The following CCDC9 variants were observed in gnomAD, a reference collection of about 807,000 sequenced individuals.
CCDC9 encodes coiled-coil domain-containing protein 9.
CCDC9 carries 52 observed loss-of-function variants against 65.6 expected under a neutral mutation model. The ratio of observed to expected loss-of-function variants is 0.79; its 90% CI spans 0.63 to 1.00. The LOEUF (loss-of-function observed/expected upper bound fraction) is 1.00. Ranked by LOEUF, CCDC9 falls within the 50% of genes least tolerant of loss-of-function variation. The pLI, the probability that CCDC9 is intolerant of heterozygous loss-of-function variation, is 0.00. For missense variants in CCDC9, 834 were observed against 757.2 expected, an observed-to-expected ratio of 1.10 and a Z score of -1.19; for synonymous variants, 332 against 280.3, an observed-to-expected ratio of 1.18 and a Z score of -1.84.
intron 5 of CCDC9, among the ~76,000 whole-genome samples, chr19:47,262,872 G>A (rs1377991701): frequency 6.6e-6 from 1 of 152,014 alleles, no homozygotes; most frequent in Non-Finnish European, 1.5e-5. Context: ...GATCGCTTGA[G>A]CCCAGGAGTT....
At chr19:47,273,138 G>A (rs1441513521), downstream of CCDC9, among the ~76,000 whole-genome samples, 2 of 152,136 alleles carry the variant, frequency 1.3e-5, no homozygotes, top group Non-Finnish European at 2.9e-5. Context: ...CGCCACACCC[G>A]CGTTTCCTCG....
At chr19:47,263,293 T>G (rs537970037) in intron 5 of CCDC9, among the ~76,000 whole-genome samples, 1 of 152,154 alleles carries the variant, frequency 6.6e-6, no homozygotes, top group African/African-American at 2.4e-5. Context: ...AGTGGTTTGC[T>G]AGAAAGACTC....
intron 5 of CCDC9, 89 bp from the exon 6 acceptor site, chr19:47,264,514 A>C: frequency 2.4e-6 from 3 of 1,245,178 alleles, no homozygotes; most frequent in Non-Finnish European, 3.4e-6. Flanking sequence ...CGAGGAGAGG[A>C]GCCTCAGGCC....
downstream of CCDC9, chr19:47,274,086 C>T (rs2059141213): frequency 1.6e-6 from 1 of 628,782 alleles, no homozygotes; most frequent in African/African-American, 2.0e-5. Context: ...TACCCCAGAG[C>T]CTAGTCTGGA....
intron 7 of CCDC9, among the ~76,000 whole-genome samples, chr19:47,265,558 C>G (rs775697563): frequency 1.3e-5 from 2 of 152,122 alleles, no homozygotes; most frequent in Non-Finnish European, 2.9e-5. Context: ...TCTGTTGGTT[C>G]TTCTGTCAGT....
Position 47,271,359 on chromosome 19 carries a change from A to G in CCDC9, c.1277A>G (p.Asp426Gly). Residue 426 changes from aspartate (D) to glycine (G), a missense_variant, in exon 12 of 12, where the codon GAC (aspartate) becomes GGC (glycine). By Grantham distance (94) the Asp-to-Gly change is moderately conservative. Transcript: ENST00000221922. ...NEGEEDEEWE[D>G]ISEDEEEEEI... Reference sequence around the variant, plus strand: ...GGGGAAGAGGATGAAGAATGGGAGGACATAAGTGAGGATGAGGAAGAGGAG... The same window carrying G: ...GGGGAAGAGGATGAAGAATGGGAGGGCATAAGTGAGGATGAGGAAGAGGAG... The G allele has an allele frequency of 6.2e-7, 1 of 1,613,698 alleles. No individual in the cohort carries two copies. The highest frequency in any genetic ancestry group is 8.5e-7 in the Non-Finnish European group (1 of 1,179,854).
chr19:47,265,984 C>CCTTTTTTTTTTTTTTT (rs1568639017), intron 7 of CCDC9, among the ~76,000 whole-genome samples: 1 of 72,626 alleles, frequency 1.4e-5, no homozygotes. Flanking sequence ...CCGCTCCTGG[C>CCTTTTTTTTTTTTTTT]TTTTTTTTTT....
intron 3 of CCDC9, among the ~76,000 whole-genome samples, chr19:47,259,507 C>T (rs562782406): frequency 6.6e-6 from 1 of 152,076 alleles, no homozygotes; most frequent in South Asian, 2.1e-4. Flanking sequence ...GAGAGGGACT[C>T]AGTTACTGAT....
At chr19:47,259,455 C>T (rs779160636) in intron 3 of CCDC9, among the ~76,000 whole-genome samples, 3 of 151,936 alleles carry the variant, frequency 2.0e-5, no homozygotes, top group Non-Finnish European at 2.9e-5. Flanking sequence ...GGGGCTGGAA[C>T]CCTAGTGGGA....
At chr19:47,269,974 GTT>G (rs960778711) in intron 8 of CCDC9, among the ~76,000 whole-genome samples, 2 of 143,468 alleles carry the variant, frequency 1.4e-5, no homozygotes, top group Non-Finnish European at 3.1e-5. Flanking sequence ...CCTATCCTTT[GTT>G]TTTTTTTTTT....
chr19:47,257,124 C>T (rs1184831272), intron 1 of CCDC9, among the ~76,000 whole-genome samples: 1 of 149,456 alleles, frequency 6.7e-6, no homozygotes, highest in African/African-American at 2.5e-5. Flanking sequence ...CGGGCGCGGC[C>T]AGAGCGTTGG....
At chr19:47,264,469 C>G in intron 5 of CCDC9, 134 bp from the exon 6 acceptor site, 1 of 807,326 alleles carries the variant, frequency 1.2e-6, no homozygotes, top group South Asian at 1.6e-5. Flanking sequence ...CTGGAGCACG[C>G]TGAGAGCAAA....
At chr19:47,275,222 C>T, downstream of CCDC9, 6 of 1,528,958 alleles carry the variant, frequency 3.9e-6, no homozygotes, top group East Asian at 2.6e-5. Flanking sequence ...GAGTCCCCGG[C>T]GGGCCGCGAC....
chr19:47,273,276 C>T (rs1361004707), downstream of CCDC9: 1 of 858,286 alleles, frequency 1.2e-6, no homozygotes, highest in Non-Finnish European at 1.5e-6. Context: ...AGAGACGTGG[C>T]TAGACGGGGG....
At chr19:47,275,287 G>C (rs1347529967), downstream of CCDC9, 4 of 1,545,872 alleles carry the variant, frequency 2.6e-6, no homozygotes, top group Non-Finnish European at 2.6e-6. Context: ...CCTGACCGCC[G>C]TCCGAGCCGC....
chr19:47,267,563 G>A (rs1263034620), intron 8 of CCDC9, among the ~76,000 whole-genome samples: 2 of 152,208 alleles, frequency 1.3e-5, no homozygotes, highest in Non-Finnish European at 2.9e-5. Flanking sequence ...CAGGCTGAGG[G>A]CAGCAGCTGC....
chr19:47,263,114 T>G (rs1401152565), intron 5 of CCDC9, among the ~76,000 whole-genome samples: 2 of 150,076 alleles, frequency 1.3e-5, no homozygotes, highest in Admixed American at 6.7e-5. Flanking sequence ...AAAAAAAAAA[T>G]CAATAAATTT....
chr19:47,258,208 G>T (rs2059023279), intron 1 of CCDC9, 122 bp from the exon 2 acceptor site: 2 of 618,144 alleles, frequency 3.2e-6, no homozygotes, highest in Non-Finnish European at 5.8e-6. Flanking sequence ...GAGAGTGAGG[G>T]CTACAATTCT....
chr19:47,267,041 C>T (rs1190731002), intron 8 of CCDC9, among the ~76,000 whole-genome samples: 5 of 150,734 alleles, frequency 3.3e-5, no homozygotes, highest in Admixed American at 6.6e-5. Flanking sequence ...CTCGGCTCAC[C>T]GCAAGCTCCG....
Sources: allele counts gnomAD v4.1 joint callset (sites outside exome capture counted in the v4.1 genomes callset), GRCh38; gene constraint gnomAD v4.1.1; transcripts MANE v1.5; gene names NCBI Gene and HGNC (gene_info 2026-07-23, HGNC 2026-07-21).